Variants in TENM3 observed in about 807,000 individuals in gnomAD.
TENM3 encodes the protein teneurin-3.
In TENM3, 63 loss-of-function variants were observed where a neutral mutation model predicts 255.1. That is an observed-to-expected ratio of 0.25 (90% CI 0.20 to 0.30). The LOEUF is 0.30. Among genes scored for constraint, TENM3 ranks in the 10% least tolerant of loss-of-function variants. The pLI, the probability that TENM3 is intolerant of heterozygous loss-of-function variation, is 1.00. For synonymous variants in TENM3, 1,306 were observed against 1,322.3 expected (o/e 0.99, Z 0.27); for missense variants, 2,929 against 3,461.1 (o/e 0.85, Z 3.86).
At chr4:181,907,583 T>C in the TENM3 span, among the ~76,000 whole-genome samples, 468 of 151,604 alleles carry the variant, frequency 3.1e-3, 1 homozygote, top group African/African-American at 0.011. Context: ...GGATGAGACG[T>C]GGAGAAGGGA....
chr4:182,245,693 G>A (rs760077221), intron 1 of TENM3, among the ~76,000 whole-genome samples: 4 of 152,162 alleles, frequency 2.6e-5, no homozygotes, highest in Non-Finnish European at 4.4e-5. Context: ...ATGTGACACG[G>A]CCATAGGACT....
At chr4:182,203,398 C>A (rs141406068) in intron 1 of TENM3, among the ~76,000 whole-genome samples, 1 of 152,232 alleles carries the variant, frequency 6.6e-6, no homozygotes, top group East Asian at 1.9e-4. Flanking sequence ...CTTCACCATC[C>A]CCTGGCCAGT....
chr4:182,245,006 C>A (rs1579872735), intron 1 of TENM3, among the ~76,000 whole-genome samples: 1 of 152,188 alleles, frequency 6.6e-6, no homozygotes, highest in East Asian at 1.9e-4. Flanking sequence ...TAATCCTCTG[C>A]AGTGATACTT....
chr4:181,480,695 G>T, the TENM3 span, among the ~76,000 whole-genome samples: 1 of 150,996 alleles, frequency 6.6e-6, no homozygotes, highest in African/African-American at 2.4e-5. Context: ...TCTATATATA[G>T]ATATGTTTTA....
the TENM3 span, among the ~76,000 whole-genome samples, chr4:181,451,362 G>A: frequency 1.3e-5 from 2 of 152,116 alleles, no homozygotes; most frequent in Non-Finnish European, 2.9e-5. Context: ...GGTCACACAG[G>A]GCCTTGCAGA....
the TENM3 span, among the ~76,000 whole-genome samples, chr4:181,832,379 T>G: frequency 1.3e-5 from 2 of 152,192 alleles, no homozygotes; most frequent in Non-Finnish European, 2.9e-5. Flanking sequence ...TTTGTTTCCC[T>G]GCTACAGAAC....
the TENM3 span, among the ~76,000 whole-genome samples, chr4:181,575,597 G>A: frequency 7.9e-5 from 12 of 152,002 alleles, no homozygotes; most frequent in African/African-American, 2.9e-4. Flanking sequence ...CTCTTTTCTT[G>A]GAATTATGTA....
intron 1 of TENM3, among the ~76,000 whole-genome samples, chr4:182,165,904 G>A (rs573286079): frequency 1.3e-5 from 2 of 152,156 alleles, no homozygotes; most frequent in South Asian, 2.1e-4. Context: ...GCTTCTCGAC[G>A]AGTAGCTGGG....
chr4:182,655,069 G>T (rs536075070), intron 6 of TENM3, among the ~76,000 whole-genome samples: 49 of 152,260 alleles, frequency 3.2e-4, no homozygotes, highest in African/African-American at 1.2e-3. Flanking sequence ...TGTAGAGGGG[G>T]TTAAAGAGGG....
the TENM3 span, among the ~76,000 whole-genome samples, chr4:181,955,663 C>T: frequency 5.9e-5 from 9 of 152,070 alleles, no homozygotes; most frequent in East Asian, 3.9e-4. Context: ...GACAAAGGGG[C>T]GCAGGTCCTA....
At chr4:182,067,069 G>A in the TENM3 span, among the ~76,000 whole-genome samples, 1 of 152,118 alleles carries the variant, frequency 6.6e-6, no homozygotes, top group South Asian at 2.1e-4. Flanking sequence ...CAGCCAGTCC[G>A]AGGGTCCTTT....
rs189053900 is a variant in TENM3, at chr4:182,754,311, G to T, written c.4018-74G>T. ...AGATTAATGCCAATTTCCCTGAATG[G>T]TCTAATTTACTCTTCTGGCGAATTA... On this transcript the variant is annotated intron_variant, in intron 21 of 27. Transcript: ENST00000511685. The surrounding 1 kb of genome is among the most constrained non-coding windows in gnomAD (Gnocchi z 5.1). 4.6e-4 allele frequency: 659 copies of T among 1,419,442 alleles called. 1 individual carries two copies. The African/African-American group carries it at 7.6e-3, about 16-fold the overall frequency. 87.9% of individuals were successfully genotyped at this position (1,419,442 alleles called of 1,614,324 possible). A position where few individuals can be genotyped will look rare whatever the true frequency, so the allele number is the denominator to read the frequency against.
At chr4:182,611,218 C>A (rs1299476311) in intron 4 of TENM3, among the ~76,000 whole-genome samples, 1 of 151,978 alleles carries the variant, frequency 6.6e-6, no homozygotes, top group Non-Finnish European at 1.5e-5. Context: ...AAAAACAAAA[C>A]CTCAACCCCC....
At chr4:181,684,208 C>G in the TENM3 span, among the ~76,000 whole-genome samples, 1 of 152,110 alleles carries the variant, frequency 6.6e-6, no homozygotes, top group Admixed American at 6.5e-5. Flanking sequence ...CAGTGTTATT[C>G]ACGAGTGCAT....
the TENM3 span, among the ~76,000 whole-genome samples, chr4:181,806,491 C>T: frequency 5.9e-5 from 9 of 152,214 alleles, no homozygotes; most frequent in African/African-American, 2.2e-4. Context: ...GATGTGAGAG[C>T]TTTAAGAGGT....
chr4:181,621,149 T>C, the TENM3 span, among the ~76,000 whole-genome samples: 2 of 152,204 alleles, frequency 1.3e-5, no homozygotes, highest in African/African-American at 2.4e-5. Flanking sequence ...TAAGAAATTA[T>C]GATTGAACTG....
At chr4:182,162,580 G>T (rs934773955) in intron 1 of TENM3, among the ~76,000 whole-genome samples, 5 of 152,164 alleles carry the variant, frequency 3.3e-5, no homozygotes, top group Admixed American at 6.5e-5. Context: ...TGTTCATGCT[G>T]CTGTAACAAG....
chr4:181,652,163 A>T, the TENM3 span, among the ~76,000 whole-genome samples: 2 of 150,206 alleles, frequency 1.3e-5, no homozygotes, highest in African/African-American at 4.9e-5. Context: ...AAAAAAAAAA[A>T]AATCCACTCA....
chr4:182,431,665 G>C (rs537105034), intron 3 of TENM3, among the ~76,000 whole-genome samples: 26 of 152,262 alleles, frequency 1.7e-4, no homozygotes, highest in African/African-American at 6.0e-4. Context: ...CTAGGGACAC[G>C]GGGAATGCCT....
Sources: gnomAD v4.1 joint callset for allele counts (sites outside exome capture counted in the v4.1 genomes callset) on GRCh38, gnomAD v4.1.1 for gene constraint, Gnocchi (gnomAD v3.1) non-coding constraint, MANE v1.5 for transcripts, NCBI Gene and HGNC (gene_info 2026-07-23, HGNC 2026-07-21) for gene names.